Variants in DPP3 observed in about 807,000 individuals in gnomAD.
DPP3 encodes dipeptidyl peptidase 3.
In DPP3, 64 loss-of-function variants were observed where a neutral mutation model predicts 89.8. The observed-to-expected ratio is 0.71, with a 90% CI of 0.58 to 0.88. The LOEUF (loss-of-function observed/expected upper bound fraction) is 0.88. Among genes scored for constraint, DPP3 ranks in the 40% least tolerant of loss-of-function variants. DPP3 has a pLI of 0.00. For synonymous variants in DPP3, 377 were observed against 404.3 expected, an observed-to-expected ratio of 0.93 and a Z score of 0.81; for missense variants, 835 against 972.5, an observed-to-expected ratio of 0.86 and a Z score of 1.88.
intron 16 of DPP3, among the ~76,000 whole-genome samples, chr11:66,498,277 TGGAGACAG>T (rs1855592842): frequency 6.6e-6 from 1 of 152,180 alleles, no homozygotes; most frequent in Non-Finnish European, 1.5e-5. Context: ...GTATTTTTAG[TGGAGACAG>T]GGTTTCACCG....
chr11:66,493,811 G>A (rs547426437), intron 12 of DPP3, among the ~76,000 whole-genome samples, 178 bp downstream of exon 12: 6 of 152,330 alleles, frequency 3.9e-5, no homozygotes, highest in African/African-American at 1.4e-4. Context: ...TGTCCCAGGA[G>A]CTCAGATGCC....
In DPP3 at chr11:66,506,618, G is replaced by A. The variant is rs1260112384; in HGVS notation, c.2041+1844G>A. Among the ~76,000 whole-genome samples the A allele has an allele frequency of 2.6e-5, 4 of 151,688 alleles. No homozygotes were observed. The East Asian group carries it at 5.8e-4, about 22-fold the overall frequency. On this transcript the variant is annotated intron_variant, in intron 17 of 17. Transcript: ENST00000531863. ...TTCCATGCTCTCCAGAGGCTTCCTG[G>A]GATTTGGCCCCAACCCTTGCCAGCC...
intron 12 of DPP3, among the ~76,000 whole-genome samples, chr11:66,494,084 C>T (rs1248591085): frequency 6.6e-6 from 1 of 152,164 alleles, no homozygotes; most frequent in Non-Finnish European, 1.5e-5. Flanking sequence ...TTTGTTTGCG[C>T]TGCTGTTCCG....
At chr11:66,488,057 A>G in intron 6 of DPP3, 50 bp downstream of exon 6, 1 of 1,565,690 alleles carries the variant, frequency 6.4e-7, no homozygotes, top group Non-Finnish European at 8.7e-7. Context: ...GCATTTCCGG[A>G]CCTGGGTGGC....
Position 66,495,208 on chromosome 11 carries a change from C to T in DPP3, c.1392C>T (p.Asp464=), listed in dbSNP as rs560168052. The change falls in exon 13 of 18, where the codon GAC becomes GAT. Residue 464 remains aspartate, a splice_region_variant and synonymous_variant. Transcript: ENST00000531863. The part of the protein sequence containing the change: ...GHGSGKLFVQ[D]EKGAFNFDQE... ...CTCACCCACCGTGTGTTCTGCAGGA[C>T]GAAAAAGGAGCATTCAACTTTGACC... 23 of 1,612,198 alleles carry T rather than the reference C, an allele frequency of 1.4e-5. No individual in the cohort carries two copies. In the African/African-American group the frequency reaches 2.0e-4, roughly 14 times the overall value.
chr11:66,497,605 A>T (rs778444635), intron 16 of DPP3, 128 bp downstream of exon 16: 3 of 1,305,200 alleles, frequency 2.3e-6, no homozygotes, highest in African/African-American at 1.5e-5. Flanking sequence ...GCCAGTAAAC[A>T]TGTAAGCGCA....
Position 66,493,189 on chromosome 11 carries a change from A to C in DPP3, c.1296+10A>C. 1.2e-6 allele frequency: 2 copies of C among 1,612,046 alleles called. No individual in the cohort carries two copies. The highest frequency in any genetic ancestry group is 1.7e-6 in the Non-Finnish European group (2 of 1,179,086). ...GGAGGAGGATGACAAGGTGGGCGCC[A>C]GCAGTCGGAGGGTCGGGGCTGGGCC... is the stretch of plus-strand genomic sequence containing the variant. On this transcript the variant is annotated intron_variant, in intron 11 of 17. Coordinates refer to ENST00000531863, the MANE Select transcript of DPP3 (RefSeq NM_130443.4).
At chr11:66,492,547 C>T (rs1855419101) in intron 9 of DPP3, 169 bp from the exon 10 acceptor site, 2 of 733,206 alleles carry the variant, frequency 2.7e-6, no homozygotes, top group African/African-American at 3.6e-5. Flanking sequence ...TCTTTCCTGT[C>T]CAGGTCCTGA....
Position 66,491,764 on chromosome 11 carries a change from C to G in DPP3, c.988+8C>G. ...CCCGAGGAGAATTTGAAGGTAACTT[C>G]CTCAGGGAGGAGGTCAGTCACAGTC... On this transcript the variant is annotated splice_region_variant and intron_variant, in intron 9 of 17. Transcript: ENST00000531863. 3 of 1,613,576 alleles carry G rather than the reference C, an allele frequency of 1.9e-6. No homozygotes were observed. The highest frequency in any genetic ancestry group is 2.5e-6 in the Non-Finnish European group (3 of 1,179,804).
intron 12 of DPP3, among the ~76,000 whole-genome samples, chr11:66,494,930 G>C (rs1855491030): frequency 6.6e-6 from 1 of 152,126 alleles, no homozygotes; most frequent in South Asian, 2.1e-4. Context: ...CAGGACTTGG[G>C]GCAAGTCCCT....
chr11:66,485,039 A>G, intron 2 of DPP3, 134 bp from the exon 3 acceptor site: 1 of 809,962 alleles, frequency 1.2e-6, no homozygotes. Context: ...GCTTCCCAGG[A>G]CCTAGGTCCT....
At position 66,487,998 on chromosome 11, in the gene DPP3, C is replaced by T; in HGVS notation, c.658C>T (p.Leu220Phe). 1 of 1,613,984 alleles carries T rather than the reference C, an allele frequency of 6.2e-7. No individual in the cohort carries two copies. Among genetic ancestry groups the T allele is most frequent in the Non-Finnish European group, 8.5e-7 (1 of 1,179,922 alleles). The change falls in exon 6 of 18, where the codon CTT (leucine) becomes TTT (phenylalanine). Residue 220 changes from leucine (L) to phenylalanine (F), a missense_variant. Leu to Phe is a conservative substitution (Grantham distance 22). Coordinates refer to ENST00000531863, the MANE Select transcript of DPP3 (RefSeq NM_130443.4). ...PYYEVRLASVLGSEPSLDSEV... is the reference protein window; with the variant it reads ...PYYEVRLASVFGSEPSLDSEV... ...CTACGAGGTGCGGCTGGCTTCTGTG[C>T]TTGGCTCAGGTGAGCTTAGCCCCAG...
chr11:66,501,248 T>C lies in DPP3; in HGVS notation c.1879-3364T>C, dbSNP rs541691866. ...TGGTGGCGCATCCTGTACTCCAAGCTACTCGGGAAGCTGAGACAAGAGAAT... is the reference window on the plus strand; with the variant it reads ...TGGTGGCGCATCCTGTACTCCAAGCCACTCGGGAAGCTGAGACAAGAGAAT... On this transcript the variant is annotated intron_variant, in intron 16 of 17. Coordinates refer to ENST00000531863, the MANE Select transcript of DPP3 (RefSeq NM_130443.4). Among the ~76,000 whole-genome samples the C allele has an allele frequency of 4.0e-5, 6 of 150,522 alleles. No homozygotes were observed. In the East Asian group the frequency reaches 1.2e-3, roughly 30 times the overall value.
chr11:66,500,333 A>G (rs957945785), intron 16 of DPP3, among the ~76,000 whole-genome samples: 3 of 152,196 alleles, frequency 2.0e-5, no homozygotes, highest in Non-Finnish European at 4.4e-5. Context: ...CATCGCGGGC[A>G]ATACAGCAAG....
intron 17 of DPP3, among the ~76,000 whole-genome samples, chr11:66,506,836 G>A (rs1855814187): frequency 6.6e-6 from 1 of 151,886 alleles, no homozygotes; most frequent in African/African-American, 2.4e-5. Context: ...CTGTGAGAGA[G>A]GTTGTCTCTG....
intron 6 of DPP3, among the ~76,000 whole-genome samples, chr11:66,489,179 T>C (rs1855312484): frequency 2.0e-5 from 3 of 152,184 alleles, no homozygotes; most frequent in Non-Finnish European, 2.9e-5. Flanking sequence ...GTCCAGGTCT[T>C]TGCACAATCC....
rs1051780036 is a variant in DPP3 at position 66,501,913 on chromosome 11, A to G, written c.1879-2699A>G. Among the ~76,000 whole-genome samples, 18 of 151,888 alleles carry G rather than the reference A, an allele frequency of 1.2e-4. 1 individual carries two copies. Among genetic ancestry groups the G allele is most frequent in the Non-Finnish European group, 2.4e-4 (16 of 67,980 alleles). On this transcript the variant is annotated intron_variant, in intron 16 of 17. Transcript: ENST00000531863. ...AAGAGAGTTTTTTAAAAACTACAATATCGGCTGGGCACGGTGGCTCACGCC... is the reference window on the plus strand; with the variant it reads ...AAGAGAGTTTTTTAAAAACTACAATGTCGGCTGGGCACGGTGGCTCACGCC...
chr11:66,485,284 G>C (rs1565266388), intron 3 of DPP3, 22 bp downstream of exon 3: 1 of 1,601,184 alleles, frequency 6.2e-7, no homozygotes, highest in Admixed American at 1.7e-5. Flanking sequence ...GAGGGTTGGG[G>C]AAGGTGGGGA....
intron 15 of DPP3, among the ~76,000 whole-genome samples, chr11:66,496,543 T>C (rs1855544151): frequency 6.6e-6 from 1 of 151,894 alleles, no homozygotes; most frequent in Admixed American, 6.6e-5. Context: ...GCCTCCCGAG[T>C]GGCTAGGATT....
Sources: allele counts gnomAD v4.1 joint callset (sites outside exome capture counted in the v4.1 genomes callset), GRCh38; gene constraint gnomAD v4.1.1; transcripts MANE v1.5; gene names NCBI Gene and HGNC (gene_info 2026-07-23, HGNC 2026-07-21).